The following FRMD4B variants were observed in gnomAD, a reference collection of about 807,000 sequenced individuals.
FRMD4B encodes the protein FERM domain-containing protein 4B.
FRMD4B carries 74 observed loss-of-function variants against 141.5 expected under a neutral mutation model. The ratio of observed to expected loss-of-function variants is 0.52; its 90% CI spans 0.43 to 0.63. The LOEUF is 0.63. Among genes scored for constraint, FRMD4B ranks in the 30% least tolerant of loss-of-function variants. The probability of loss-of-function intolerance (pLI) is 0.00; values close to 1 mark genes in which losing one functional copy is unlikely to be tolerated. For synonymous variants in FRMD4B, 506 were observed against 467.9 expected, an observed-to-expected ratio of 1.08 and a Z score of -1.05; for missense variants, 1,366 against 1,253.4, an observed-to-expected ratio of 1.09 and a Z score of -1.36.
chr3:69,336,132 T>G (rs966684070), intron 1 of FRMD4B, among the ~76,000 whole-genome samples: 3 of 152,084 alleles, frequency 2.0e-5, no homozygotes, highest in Admixed American at 2.0e-4. Context: ...CTATGGAGAA[T>G]GCACAGTTTA....
intron 1 of FRMD4B, among the ~76,000 whole-genome samples, chr3:69,327,667 A>C (rs1331182135): frequency 6.6e-6 from 1 of 152,214 alleles, no homozygotes; most frequent in Non-Finnish European, 1.5e-5. Flanking sequence ...ATTAAAACAA[A>C]CGGATTGTAT....
At chr3:69,317,754 CAAAAAA>C (rs765280161) in intron 1 of FRMD4B, among the ~76,000 whole-genome samples, 11 of 52,612 alleles carry the variant, frequency 2.1e-4, no homozygotes, top group Admixed American at 5.4e-4. Context: ...GACACCAACT[CAAAAAA>C]AAAAAAAAAA....
chr3:69,183,522 G>T lies in FRMD4B; in HGVS notation c.1920-805C>A, dbSNP rs992711406. Among the ~76,000 whole-genome samples, 9 of 122,682 alleles carry T rather than the reference G, an allele frequency of 7.3e-5. No individual in the cohort carries two copies. The Admixed American group carries it at 8.8e-4, about 12-fold the overall frequency. The allele number at this position is 122,682 out of a possible 152,430, so 80.5% of individuals were successfully genotyped here. A position where few individuals can be genotyped will look rare whatever the true frequency, so the allele number is the denominator to read the frequency against. ...TTTTGAGACTGAGTCTTGCTCTGTCGCCCAGGCTGGAGTGCAGTGGTGTGA... is the reference window on the plus strand; with the variant it reads ...TTTTGAGACTGAGTCTTGCTCTGTCTCCCAGGCTGGAGTGCAGTGGTGTGA... On this transcript the variant is annotated intron_variant, in intron 19 of 22. Coordinates refer to ENST00000398540, the MANE Select transcript of FRMD4B (RefSeq NM_015123.3).
intron 4 of FRMD4B, 140 bp downstream of exon 4, chr3:69,302,203 A>G (rs1439175983): frequency 4.8e-6 from 3 of 630,958 alleles, no homozygotes; most frequent in East Asian, 5.5e-5. Context: ...CCTTCACATG[A>G]TAATGTTTTG....
At chr3:69,246,429 T>A (rs1381867725) in intron 7 of FRMD4B, among the ~76,000 whole-genome samples, 1 of 152,094 alleles carries the variant, frequency 6.6e-6, no homozygotes, top group East Asian at 1.9e-4. Context: ...CACACCAGCC[T>A]GGGTGAGAGA....
Position 69,171,816 on chromosome 3 carries a change from A to T in FRMD4B, c.*45T>A. On this transcript the variant is annotated 3_prime_UTR_variant, in exon 23 of 23. Transcript: ENST00000398540. Reference sequence around the variant, plus strand: ...AAGACAAATACAATTTGCAAGGCACACTAGTGTGAGAACGCAGTGCTTGGT... The same window carrying T: ...AAGACAAATACAATTTGCAAGGCACTCTAGTGTGAGAACGCAGTGCTTGGT... The T allele has an allele frequency of 3.1e-6, 5 of 1,587,632 alleles. No individual in the cohort carries two copies. Among genetic ancestry groups the T allele is most frequent in the Non-Finnish European group, 4.3e-6 (5 of 1,158,308 alleles).
intron 5 of FRMD4B, among the ~76,000 whole-genome samples, chr3:69,277,303 C>G (rs2093622281): frequency 6.6e-6 from 1 of 152,052 alleles, no homozygotes; most frequent in Non-Finnish European, 1.5e-5. Flanking sequence ...TAAGCTGGAG[C>G]AGGGGAGGTC....
At chr3:69,248,109 A>T (rs2093436620) in intron 7 of FRMD4B, among the ~76,000 whole-genome samples, 1 of 151,424 alleles carries the variant, frequency 6.6e-6, no homozygotes, top group Non-Finnish European at 1.5e-5. Flanking sequence ...TGAGCCTTTA[A>T]TGATACTAAT....
Position 69,203,251 on chromosome 3 carries a change from C to A in FRMD4B, c.877-4477G>T, listed in dbSNP as rs954714172. On this transcript the variant is annotated intron_variant, in intron 11 of 22. Coordinates refer to ENST00000398540, the MANE Select transcript of FRMD4B (RefSeq NM_015123.3). The stretch of plus-strand genomic sequence containing the variant: ...ATAGACTTAAAGAACTACAAGAAAT[C>A]ACCTGTTCCCTGTCCCACCCCACTA... Among the ~76,000 whole-genome samples the A allele has an allele frequency of 9.6e-4, 134 of 139,380 alleles. 1 individual carries two copies. Among genetic ancestry groups the A allele is most frequent in the African/African-American group, 3.2e-3 (121 of 37,644 alleles). 91.4% of individuals were successfully genotyped at this position (139,380 alleles called of 152,430 possible). A position where few individuals can be genotyped will look rare whatever the true frequency, so the allele number is the denominator to read the frequency against.
chr3:69,261,717 G>T (rs1170924201), intron 5 of FRMD4B, among the ~76,000 whole-genome samples: 2 of 152,166 alleles, frequency 1.3e-5, no homozygotes, highest in Admixed American at 6.5e-5. Context: ...CTGTTGCCCA[G>T]GCTGGAGTGC....
intron 11 of FRMD4B, among the ~76,000 whole-genome samples, chr3:69,202,361 ATG>A (rs34290150): frequency 3.3e-5 from 5 of 151,602 alleles, no homozygotes; most frequent in South Asian, 4.2e-4. Flanking sequence ...TATGACATAT[ATG>A]TGTGTGTGTG....
At chr3:69,415,906 T>A (rs1575794502) in intron 2 of FRMD4B, among the ~76,000 whole-genome samples, 1 of 152,212 alleles carries the variant, frequency 6.6e-6, no homozygotes, top group African/African-American at 2.4e-5. Flanking sequence ...AAGGACCAGA[T>A]AAAAGACAGT....
chr3:69,321,035 C>G (rs1405751697), intron 1 of FRMD4B: 1 of 152,300 alleles, frequency 6.6e-6, no homozygotes, highest in Non-Finnish European at 1.5e-5. Flanking sequence ...TGGCTATAAG[C>G]CAGACCTCTG....
intron 7 of FRMD4B, among the ~76,000 whole-genome samples, chr3:69,230,372 C>A (rs1575635678): frequency 6.6e-6 from 1 of 152,132 alleles, no homozygotes. Flanking sequence ...TCAATCGGTA[C>A]AATCATTTTG....
chr3:69,411,852 C>T (rs1704766624), intron 2 of FRMD4B, among the ~76,000 whole-genome samples: 1 of 152,174 alleles, frequency 6.6e-6, no homozygotes, highest in Admixed American at 6.5e-5. Flanking sequence ...TTATCTATAT[C>T]AAATCAGAAC....
chr3:69,482,784 AT>A (rs1706149252), intron 1 of FRMD4B, among the ~76,000 whole-genome samples: 1 of 152,226 alleles, frequency 6.6e-6, no homozygotes, highest in Non-Finnish European at 1.5e-5. Context: ...GGTGACCCCC[AT>A]AGGGGTGCCT....
At chr3:69,456,239 G>A (rs1368068446) in intron 1 of FRMD4B, among the ~76,000 whole-genome samples, 1 of 95,614 alleles carries the variant, frequency 1.0e-5, no homozygotes, top group Admixed American at 9.3e-5. Context: ...AACTCAAAGT[G>A]TTTGCACAAA....
chr3:69,385,476 A>G (rs781546292), intron 1 of FRMD4B, among the ~76,000 whole-genome samples: 6 of 152,108 alleles, frequency 3.9e-5, no homozygotes, highest in African/African-American at 1.2e-4. Context: ...CCCACCCCCA[A>G]TGAAATTAAA....
chr3:69,377,870 A>T lies in FRMD4B; in HGVS notation c.162+7958T>A, dbSNP rs1704014393. 2.0e-5 allele frequency among the ~76,000 whole-genome samples: 3 copies of T among 150,506 alleles called. No homozygotes were observed. The South Asian group carries it at 6.3e-4, about 32-fold the overall frequency. ...CTGTTGCCCAGGCTGGAGTGCAATG[A>T]CGTGATCTCTGCTCACCGCAACCTC... On this transcript the variant is annotated intron_variant, in intron 1 of 22. Transcript: ENST00000398540.
Sources: gnomAD v4.1 joint callset for allele counts (sites outside exome capture counted in the v4.1 genomes callset) on GRCh38, gnomAD v4.1.1 for gene constraint, MANE v1.5 for transcripts, NCBI Gene and HGNC (gene_info 2026-07-23, HGNC 2026-07-21) for gene names.